Variants in MTSS1 observed in about 807,000 individuals in gnomAD.
MTSS1 encodes the protein MTSS I-BAR domain containing 1, also known as protein MTSS 1.
In MTSS1, 18 loss-of-function variants were observed where a neutral mutation model predicts 79.0. The observed-to-expected ratio is 0.23, with a 90% CI of 0.16 to 0.34. The LOEUF (loss-of-function observed/expected upper bound fraction) is 0.34. Among genes scored for constraint, MTSS1 ranks in the 10% least tolerant of loss-of-function variants. MTSS1 has a pLI of 1.00. For missense variants in MTSS1, 815 were observed against 986.2 expected, an observed-to-expected ratio of 0.83 and a Z score of 2.33; for synonymous variants, 341 against 368.6, an observed-to-expected ratio of 0.93 and a Z score of 0.86.
At chr8:124,624,176 CAGA>C (rs1164681287) in intron 3 of MTSS1, among the ~76,000 whole-genome samples, 1 of 152,130 alleles carries the variant, frequency 6.6e-6, no homozygotes, top group African/African-American at 2.4e-5. Flanking sequence ...TCATATAGGA[CAGA>C]AGAAGAAGAC....
rs533863718 is a variant in MTSS1 at position 124,585,294 on chromosome 8, A to G, written c.386-133T>C. On this transcript the variant is annotated intron_variant, in intron 5 of 13. Transcript: ENST00000518547. ...GCCGTCAATGGCTTTATCAGAATACAATATGATAATCTCATGATGACATTT... is the reference window on the plus strand; with the variant it reads ...GCCGTCAATGGCTTTATCAGAATACGATATGATAATCTCATGATGACATTT... 16 of 677,994 alleles carry G rather than the reference A, an allele frequency of 2.4e-5. No homozygotes were observed. In the South Asian group the frequency reaches 2.6e-4, roughly 11 times the overall value. 42.0% of individuals were successfully genotyped at this position (677,994 alleles called of 1,614,324 possible).
Position 124,552,439 on chromosome 8 carries a change from T to C in MTSS1, c.*553A>G, listed in dbSNP as rs537189361. 2 of 154,892 alleles carry C rather than the reference T, an allele frequency of 1.3e-5. No homozygotes were observed. The highest frequency in any genetic ancestry group is 4.8e-5 in the African/African-American group (2 of 41,564). The allele number at this position is 154,892 out of a possible 1,614,324, so 9.6% of individuals were successfully genotyped here. A position where few individuals can be genotyped will look rare whatever the true frequency, so the allele number is the denominator to read the frequency against. ...TCTACCATTTCCAGATTTACTTCAC[T>C]CTGAATATTGCTCATCAATTGTTAC... is the stretch of plus-strand genomic sequence containing the variant. On this transcript the variant is annotated 3_prime_UTR_variant, in exon 14 of 14. Transcript: ENST00000518547.
chr8:124,552,973 C>G lies in MTSS1; in HGVS notation c.*19G>C. 3 of 1,603,662 alleles carry G rather than the reference C, an allele frequency of 1.9e-6. No individual in the cohort carries two copies. Among genetic ancestry groups the G allele is most frequent in the Non-Finnish European group, 2.6e-6 (3 of 1,171,774 alleles). On this transcript the variant is annotated 3_prime_UTR_variant, in exon 14 of 14. Transcript: ENST00000518547. The stretch of plus-strand genomic sequence containing the variant: ...ATTAATGAAACAGTTCATTCCCCAC[C>G]GGCGCATTTCTTGTGAACCTAAGAA...
intron 3 of MTSS1, among the ~76,000 whole-genome samples, chr8:124,671,154 A>G (rs1290795235): frequency 6.6e-6 from 1 of 151,854 alleles, no homozygotes; most frequent in Admixed American, 6.6e-5. Flanking sequence ...CACATCCACC[A>G]TGACAGGCTA....
intron 6 of MTSS1, chr8:124,579,927 A>G (rs1829710135): frequency 6.6e-6 from 1 of 152,472 alleles, no homozygotes; most frequent in Non-Finnish European, 1.5e-5. Flanking sequence ...TCATCCACAG[A>G]GTGAAGTTCA....
intron 3 of MTSS1, among the ~76,000 whole-genome samples, chr8:124,672,544 G>A (rs1452460501): frequency 6.6e-6 from 1 of 151,908 alleles, no homozygotes; most frequent in Non-Finnish European, 1.5e-5. Context: ...GGTGGCTCAT[G>A]CATGTAATCC....
intron 3 of MTSS1, among the ~76,000 whole-genome samples, chr8:124,640,328 C>T (rs1048908144): frequency 7.2e-5 from 11 of 152,204 alleles, no homozygotes; most frequent in African/African-American, 2.7e-4. Context: ...AAATTATACG[C>T]ACACACCTTA....
chr8:124,696,804 T>C (rs534919914), intron 3 of MTSS1, among the ~76,000 whole-genome samples: 1 of 151,510 alleles, frequency 6.6e-6, no homozygotes, highest in East Asian at 1.9e-4. Context: ...TGAGCTGAGA[T>C]TGTGCCACTG....
chr8:124,589,758 T>G, intron 4 of MTSS1, 47 bp from the exon 5 acceptor site: 2 of 1,304,086 alleles, frequency 1.5e-6, no homozygotes, highest in Non-Finnish European at 2.2e-6. Context: ...ATAGATACAT[T>G]CTGTTGTCAG....
intron 1 of MTSS1, among the ~76,000 whole-genome samples, chr8:124,725,945 C>T (rs1253842838): frequency 3.3e-5 from 5 of 151,878 alleles, no homozygotes; most frequent in African/African-American, 4.8e-5. Flanking sequence ...TCTTCCATTC[C>T]ACCTTGCTTT....
chr8:124,711,159 C>A (rs1185204374), intron 1 of MTSS1, among the ~76,000 whole-genome samples: 1 of 152,206 alleles, frequency 6.6e-6, no homozygotes, highest in Admixed American at 6.5e-5. Context: ...GGTATATATA[C>A]TGGCCCTTCC....
chr8:124,572,232 T>C (rs1347102707), intron 6 of MTSS1, among the ~76,000 whole-genome samples: 1 of 152,148 alleles, frequency 6.6e-6, no homozygotes, highest in Admixed American at 6.5e-5. Context: ...GACTCTCAAA[T>C]TGTAGCATTC....
intron 3 of MTSS1, among the ~76,000 whole-genome samples, chr8:124,612,957 C>T (rs1836152818): frequency 6.6e-6 from 1 of 152,092 alleles, no homozygotes; most frequent in Admixed American, 6.5e-5. Flanking sequence ...TTTCAGTTCT[C>T]AGAAAGCAGA....
chr8:124,668,547 G>A (rs867092645), intron 3 of MTSS1, among the ~76,000 whole-genome samples: 4 of 152,152 alleles, frequency 2.6e-5, no homozygotes, highest in Non-Finnish European at 4.4e-5. Flanking sequence ...TTTGTGTCAG[G>A]ATGGAAAACA....
At chr8:124,651,065 C>T (rs920382359) in intron 3 of MTSS1, among the ~76,000 whole-genome samples, 14 of 152,218 alleles carry the variant, frequency 9.2e-5, no homozygotes, top group African/African-American at 3.4e-4. Context: ...TAAATGTTGA[C>T]TTCTATTACT....
intron 6 of MTSS1, chr8:124,568,813 A>G: frequency 2.1e-6 from 3 of 1,440,556 alleles, no homozygotes; most frequent in Non-Finnish European, 2.7e-6. Context: ...ACACTGCACA[A>G]CCCCCACCAA....
Position 124,557,867 on chromosome 8 carries a change from G to A in MTSS1, c.1044C>T (p.Asn348=), listed in dbSNP as rs762266901. 5.3e-5 allele frequency: 80 copies of A among 1,500,778 alleles called. No individual in the cohort carries two copies. Among genetic ancestry groups the A allele is most frequent in the Middle Eastern group, 1.8e-4 (1 of 5,572 alleles). The allele number at this position is 1,500,778 out of a possible 1,614,324, so 93.0% of individuals were successfully genotyped here. The change falls in exon 11 of 14, where the codon AAC becomes AAT. Residue 348 remains asparagine (N), a synonymous_variant. Transcript: ENST00000518547. The part of the protein sequence containing the change: ...MPPEAPNQLS[N]GFSHYSLSSE... ...TTGATAAACTATAGTGAGAAAACCCGTTAGACAACTGGAAACAAACAAAAA... is the reference window on the plus strand; with the variant it reads ...TTGATAAACTATAGTGAGAAAACCCATTAGACAACTGGAAACAAACAAAAA...
intron 3 of MTSS1, among the ~76,000 whole-genome samples, chr8:124,686,147 T>C (rs1326142978): frequency 6.6e-6 from 1 of 152,186 alleles, no homozygotes; most frequent in Non-Finnish European, 1.5e-5. Context: ...CTCAGGTGTG[T>C]CCAGCTGTAC....
intron 3 of MTSS1, among the ~76,000 whole-genome samples, chr8:124,636,317 G>A (rs1410649088): frequency 6.6e-6 from 1 of 152,208 alleles, no homozygotes; most frequent in Non-Finnish European, 1.5e-5. Context: ...TTTTAGTTGA[G>A]ATGGGGTTTC....
Sources: allele counts gnomAD v4.1 joint callset (sites outside exome capture counted in the v4.1 genomes callset), GRCh38; gene constraint gnomAD v4.1.1; transcripts MANE v1.5; gene names NCBI Gene and HGNC (gene_info 2026-07-23, HGNC 2026-07-21).